SLC22A13: variants seen among roughly 807,000 people sequenced by gnomAD.
SLC22A13 encodes organic anion transporter 10.
In SLC22A13, 42 loss-of-function variants were observed where a neutral mutation model predicts 49.1. The ratio of observed to expected loss-of-function variants is 0.85; its 90% CI spans 0.67 to 1.11. The LOEUF is 1.11. Among genes scored for constraint, SLC22A13 ranks in the 50% least tolerant of loss-of-function variants. The pLI, the probability that SLC22A13 is intolerant of heterozygous loss-of-function variation, is 0.00. For missense variants in SLC22A13, 694 were observed against 712.8 expected, an observed-to-expected ratio of 0.97 and a Z score of 0.30; for synonymous variants, 282 against 293.1, an observed-to-expected ratio of 0.96 and a Z score of 0.39.
At chr3:38,274,542 G>C in intron 2 of SLC22A13, 62 bp from the exon 3 acceptor site, 2 of 1,572,460 alleles carry the variant, frequency 1.3e-6, no homozygotes, top group Non-Finnish European at 8.7e-7. Context: ...GCCCCCTTGC[G>C]GCCTTCTCCT....
At position 38,275,039 on chromosome 3, in the gene SLC22A13, C is replaced by G; in HGVS notation, c.688C>G (p.Gln230Glu). 6.2e-7 allele frequency: 1 copy of G among 1,614,246 alleles called. No individual in the cohort carries two copies. Among genetic ancestry groups the G allele is most frequent in the South Asian group, 1.1e-5 (1 of 91,092 alleles). ...SWRTQAVVLA[Q>E]CNFSLGQMVL... The stretch of plus-strand genomic sequence containing the variant: ...GAGGACGCAGGCCGTGGTCCTGGCC[C>G]AGTGCAACTTCTCCCTCGGGCAGAT... Residue 230 changes from glutamine (Q) to glutamate (E), a missense_variant, in exon 4 of 10, where the codon CAG becomes GAG. By Grantham distance (29) the Gln-to-Glu change is conservative. Coordinates refer to ENST00000311856, the MANE Select transcript of SLC22A13 (RefSeq NM_004256.4).
chr3:38,277,411 C>G lies in SLC22A13; in HGVS notation c.1602C>G (p.Ala534=), dbSNP rs781603852. ...TGCCCTCAGAGAAGGAAACAGAGGC[C>G]AAGGGAAGAACTTCCAGCCCGGGAG... ...KSVPSEKETE[A]KGRTSSPGVA... Residue 534 remains alanine, a synonymous_variant, in exon 10 of 10, where the codon GCC becomes GCG. Coordinates refer to ENST00000311856, the MANE Select transcript of SLC22A13 (RefSeq NM_004256.4). 1.2e-5 allele frequency: 19 copies of G among 1,613,990 alleles called. No individual in the cohort carries two copies. The East Asian group carries it at 4.2e-4, about 36-fold the overall frequency.
chr3:38,275,416 G>T lies in SLC22A13; in HGVS notation c.853G>T (p.Asp285Tyr), dbSNP rs751403754. The change falls in exon 5 of 10, where the codon GAC (aspartate) becomes TAC (tyrosine). Residue 285 changes from aspartate (D) to tyrosine (Y), a missense_variant. Asp to Tyr is a radical substitution (Grantham distance 160). Coordinates refer to ENST00000311856, the MANE Select transcript of SLC22A13 (RefSeq NM_004256.4). ...ARWLLTRGRM[D>Y]EAIQLIQKAA... ...TTGGCTCCTGACCCGTGGGAGGATG[G>T]ACGAGGCGATACAACTGATCCAGAA... 1 of 1,614,224 alleles carries T rather than the reference G, an allele frequency of 6.2e-7. No homozygotes were observed. The highest frequency in any genetic ancestry group is 1.3e-5 in the African/African-American group (1 of 75,058).
At chr3:38,276,808 T>C in intron 8 of SLC22A13, 104 bp from the exon 9 acceptor site, 1 of 1,002,138 alleles carries the variant, frequency 1.0e-6, no homozygotes, top group Non-Finnish European at 1.5e-6. Context: ...CTGGAGACCC[T>C]GCAGACCTTT....
chr3:38,271,073 C>T (rs144828097), intron 1 of SLC22A13, among the ~76,000 whole-genome samples: 12 of 152,308 alleles, frequency 7.9e-5, no homozygotes, highest in Non-Finnish European at 8.8e-5. Context: ...GGGTTCTGCC[C>T]ATTGACCCAG....
intron 6 of SLC22A13, 54 bp from the exon 7 acceptor site, chr3:38,275,828 T>G: frequency 6.4e-7 from 1 of 1,557,484 alleles, no homozygotes; most frequent in Non-Finnish European, 8.8e-7. Flanking sequence ...AGGCTCTCCC[T>G]CTGGGTGGTG....
intron 2 of SLC22A13, 97 bp from the exon 3 acceptor site, chr3:38,274,507 G>C: frequency 1.3e-6 from 2 of 1,487,790 alleles, no homozygotes. Flanking sequence ...ATGGGGCTCA[G>C]ACAGAGACCC....
intron 1 of SLC22A13, among the ~76,000 whole-genome samples, chr3:38,273,827 TTACTGA>T (rs1472624490): frequency 6.6e-6 from 1 of 152,258 alleles, no homozygotes; most frequent in Non-Finnish European, 1.5e-5. Flanking sequence ...ATACAATAAC[TTACTGA>T]TAAGATGTAT....
At chr3:38,276,130 C>A in intron 7 of SLC22A13, 34 bp downstream of exon 7, 1 of 1,576,838 alleles carries the variant, frequency 6.3e-7, no homozygotes, top group Non-Finnish European at 8.7e-7. Flanking sequence ...CCCGCATGCC[C>A]CCTCACCCAC....
intron 2 of SLC22A13, 29 bp downstream of exon 2, chr3:38,274,404 C>T: frequency 1.3e-6 from 2 of 1,581,546 alleles, no homozygotes; most frequent in East Asian, 4.5e-5. Context: ...CCACTCCCTG[C>T]CTAGCAAGCT....
Position 38,275,983 on chromosome 3 carries a change from C to G in SLC22A13, c.1124C>G (p.Pro375Arg). The change falls in exon 7 of 10, where the codon CCT becomes CGT. Residue 375 changes from proline (P) to arginine (R), a missense_variant. Transcript: ENST00000311856. ...TQLIFGAVEV[P>R]ARCSSIFMMQ... ...CTCATCTTTGGAGCTGTTGAGGTGC[C>G]TGCCCGCTGTTCCAGCATCTTCATG... 1 of 1,614,214 alleles carries G rather than the reference C, an allele frequency of 6.2e-7. No individual in the cohort carries two copies. Among genetic ancestry groups the G allele is most frequent in the East Asian group, 2.2e-5 (1 of 44,892 alleles).
rs201229173 is a variant in SLC22A13 at position 38,275,632 on chromosome 3, C to A, written c.982C>A (p.Pro328Thr). The change falls in exon 6 of 10, where the codon CCC (proline) becomes ACC (threonine). Residue 328 changes from proline (P) to threonine (T), a missense_variant. Pro to Thr is a conservative substitution (Grantham distance 38). Coordinates refer to ENST00000311856, the MANE Select transcript of SLC22A13 (RefSeq NM_004256.4). ...GAATGCCCTGGATCTGTTCAGACAC[C>A]CCCAGCTCCGGAAGGTGACCCTGAT... ...SGNALDLFRH[P>T]QLRKVTLIIF... 6.2e-7 allele frequency: 1 copy of A among 1,614,046 alleles called. No homozygotes were observed. The highest frequency in any genetic ancestry group is 1.3e-5 in the African/African-American group (1 of 74,920).
intron 9 of SLC22A13, 83 bp from the exon 10 acceptor site, chr3:38,277,289 C>G (rs1703599228): frequency 8.1e-7 from 1 of 1,227,186 alleles, no homozygotes; most frequent in Non-Finnish European, 1.2e-6. Flanking sequence ...TCAGATTCCC[C>G]TTACTTTGAG....
In SLC22A13 at chr3:38,276,278, C is replaced by T. The variant is rs753680797; in HGVS notation, c.1238-9C>T. On this transcript the variant is annotated splice_polypyrimidine_tract_variant and intron_variant, in intron 7 of 9. Transcript: ENST00000311856. The stretch of plus-strand genomic sequence containing the variant: ...GGCCCAGGTGATGGGGCTGTCTACC[C>T]TCTGCCAGATCTGCCCGTGGTGGTC... 1 of 1,607,304 alleles carries T rather than the reference C, an allele frequency of 6.2e-7. No homozygotes were observed. Among genetic ancestry groups the T allele is most frequent in the South Asian group, 1.1e-5 (1 of 89,994 alleles).
At chr3:38,274,174 C>A in intron 1 of SLC22A13, 98 bp from the exon 2 acceptor site, 1 of 883,744 alleles carries the variant, frequency 1.1e-6, no homozygotes, top group Non-Finnish European at 1.9e-6. Flanking sequence ...GTTTGGGAAC[C>A]ATGAGCTCCT....
rs770585136 is a variant in SLC22A13, at chr3:38,276,115, C to A, written c.1237+19C>A. On this transcript the variant is annotated intron_variant, in intron 7 of 9. Coordinates refer to ENST00000311856, the MANE Select transcript of SLC22A13 (RefSeq NM_004256.4). ...CCAGCAGGTATCAGGGCTGGCTATC[C>A]CTCACCCGCATGCCCCCTCACCCAC... 6.2e-7 allele frequency: 1 copy of A among 1,600,242 alleles called. No individual in the cohort carries two copies. The highest frequency in any genetic ancestry group is 8.6e-7 in the Non-Finnish European group (1 of 1,169,276).
chr3:38,266,639 A>G (rs1703467120), intron 1 of SLC22A13, among the ~76,000 whole-genome samples: 1 of 151,038 alleles, frequency 6.6e-6, no homozygotes, highest in South Asian at 2.1e-4. Flanking sequence ...CTATGTTCCT[A>G]TTTTCCTAAC....
chr3:38,271,669 A>G (rs1370317707), intron 1 of SLC22A13, among the ~76,000 whole-genome samples: 2 of 152,128 alleles, frequency 1.3e-5, no homozygotes, highest in African/African-American at 4.8e-5. Flanking sequence ...AGAAGTAGGA[A>G]TAGGAGAGAA....
intron 1 of SLC22A13, among the ~76,000 whole-genome samples, chr3:38,268,462 G>T (rs924103466): frequency 2.0e-5 from 3 of 152,116 alleles, no homozygotes; most frequent in African/African-American, 7.2e-5. Context: ...CTTCAGCTGC[G>T]TTCTAGGAAC....
Sources: gnomAD v4.1 joint callset for allele counts (sites outside exome capture counted in the v4.1 genomes callset) on GRCh38, gnomAD v4.1.1 for gene constraint, MANE v1.5 for transcripts, NCBI Gene and HGNC (gene_info 2026-07-23, HGNC 2026-07-21) for gene names.